The following TMEM106B variants were observed in gnomAD, a reference collection of about 807,000 sequenced individuals.
TMEM106B encodes transmembrane protein 106B.
TMEM106B carries 15 observed loss-of-function variants against 31.1 expected under a neutral mutation model. The ratio of observed to expected loss-of-function variants is 0.48; its 90% CI spans 0.32 to 0.74. The LOEUF (loss-of-function observed/expected upper bound fraction) is 0.74, where lower values mean the gene tolerates loss of function less well. TMEM106B is among the 30% of genes least tolerant of loss of function. The pLI, the probability that TMEM106B is intolerant of heterozygous loss-of-function variation, is 0.03. For missense variants in TMEM106B, 283 were observed against 327.3 expected (o/e 0.86, Z 1.04); for synonymous variants, 126 against 112.5 (o/e 1.12, Z -0.76).
In TMEM106B at chr7:12,212,607, TTTTA is replaced by T. The variant is rs747020271; in HGVS notation, c.-3+1190_-3+1193del. 9.9e-5 allele frequency among the ~76,000 whole-genome samples: 15 copies of T among 152,226 alleles called. 1 individual carries two copies. The highest frequency in any genetic ancestry group is 4.2e-4 in the South Asian group (2 of 4,818). ...CAGCAACAAGTGGATGGCATGCGAATTTTATTTATTTTTTTATCTTTGTATTTAT... is the reference window on the plus strand; with the variant it reads ...CAGCAACAAGTGGATGGCATGCGAATTTTATTTTTTTATCTTTGTATTTAT... On this transcript the variant is annotated intron_variant, in intron 1 of 7. Coordinates refer to ENST00000396668, the MANE Select transcript of TMEM106B (RefSeq NM_001134232.2).
intron 3 of TMEM106B, among the ~76,000 whole-genome samples, chr7:12,223,164 T>TA (rs890834875): frequency 2.0e-5 from 3 of 152,160 alleles, no homozygotes; most frequent in Admixed American, 2.0e-4. Flanking sequence ...TTCCTTGTCT[T>TA]ATACCTGCAT....
chr7:12,217,994 C>G (rs1431394695), intron 2 of TMEM106B, among the ~76,000 whole-genome samples: 1 of 152,058 alleles, frequency 6.6e-6, no homozygotes, highest in Admixed American at 6.6e-5. Context: ...CTTGAGACTT[C>G]TACTTCAGAG....
At chr7:12,230,533 A>C in intron 6 of TMEM106B, 95 bp downstream of exon 6, 1 of 786,998 alleles carries the variant, frequency 1.3e-6, no homozygotes, top group South Asian at 1.8e-5. Context: ...TTCCGTTATC[A>C]GTCAAAAAGA....
At chr7:12,221,195 A>G (rs139345875) in intron 3 of TMEM106B, among the ~76,000 whole-genome samples, 1 of 152,144 alleles carries the variant, frequency 6.6e-6, no homozygotes, top group South Asian at 2.1e-4. Context: ...AGGAAACATT[A>G]TTCTAACTGT....
At chr7:12,224,951 T>C (rs535354482) in intron 4 of TMEM106B, among the ~76,000 whole-genome samples, 5 of 152,268 alleles carry the variant, frequency 3.3e-5, no homozygotes, top group African/African-American at 1.2e-4. Context: ...AGGTGCCATG[T>C]TGGTGTGCTG....
rs375350440 is a variant in TMEM106B at position 12,235,195 on chromosome 7, T to C, written c.*3220T>C. 3.3e-5 allele frequency: 5 copies of C among 152,456 alleles called. No homozygotes were observed. In the South Asian group the frequency reaches 8.3e-4, roughly 25 times the overall value. 9.4% of individuals were successfully genotyped at this position (152,456 alleles called of 1,614,324 possible). On this transcript the variant is annotated 3_prime_UTR_variant, in exon 8 of 8. Transcript: ENST00000396668. ...TCTTTAGCTTAATTTTCTGTTAAAA[T>C]TTAGTACCCCTTCATCATTCCAATA...
intron 2 of TMEM106B, among the ~76,000 whole-genome samples, chr7:12,216,234 G>T (rs184005286): frequency 2.6e-5 from 4 of 152,114 alleles, no homozygotes; most frequent in African/African-American, 9.6e-5. Context: ...TAGCAGTCTG[G>T]TTACATTTTT....
chr7:12,213,416 G>A (rs890538320), intron 1 of TMEM106B, among the ~76,000 whole-genome samples: 4 of 152,170 alleles, frequency 2.6e-5, no homozygotes, highest in Admixed American at 6.5e-5. Flanking sequence ...AAAGGTGCGT[G>A]AATTTTCAGA....
intron 5 of TMEM106B, 26 bp downstream of exon 5, chr7:12,229,845 G>T (rs758575137): frequency 6.3e-7 from 1 of 1,581,684 alleles, no homozygotes; most frequent in Non-Finnish European, 8.6e-7. Context: ...GAAATACTTT[G>T]TAAGAGTTAA....
intron 1 of TMEM106B, among the ~76,000 whole-genome samples, chr7:12,212,734 A>C (rs897744469): frequency 6.6e-6 from 1 of 152,156 alleles, no homozygotes. Flanking sequence ...CTGGAGCAAC[A>C]CACATTGTAC....
rs185848057 is a variant in TMEM106B at position 12,227,495 on chromosome 7, C to T, written c.442-2184C>T. Among the ~76,000 whole-genome samples the T allele has an allele frequency of 2.6e-5, 4 of 152,086 alleles. No homozygotes were observed. In the East Asian group the frequency reaches 5.8e-4, roughly 22 times the overall value. On this transcript the variant is annotated intron_variant, in intron 4 of 7. Transcript: ENST00000396668. ...ACATTCATTCACATATATACAAATG[C>T]ACATTTCAACTGAGGTCACAGTACA...
At chr7:12,223,154 T>G (rs1261285368) in intron 3 of TMEM106B, among the ~76,000 whole-genome samples, 1 of 152,198 alleles carries the variant, frequency 6.6e-6, no homozygotes, top group Non-Finnish European at 1.5e-5. Context: ...CTACAAATTT[T>G]TCCTTGTCTT....
chr7:12,229,621 A>G, intron 4 of TMEM106B, 58 bp from the exon 5 acceptor site: 1 of 1,305,920 alleles, frequency 7.7e-7, no homozygotes, highest in South Asian at 1.6e-5. Context: ...TTTAATTTTA[A>G]ATACATATTT....
intron 1 of TMEM106B, chr7:12,214,337 C>A: frequency 6.5e-6 from 1 of 153,032 alleles, no homozygotes; most frequent in Admixed American, 6.5e-5. Context: ...TTGGCTTCCA[C>A]ATCCTCCTCC....
At chr7:12,229,053 A>G (rs573534065) in intron 4 of TMEM106B, among the ~76,000 whole-genome samples, 5 of 152,058 alleles carry the variant, frequency 3.3e-5, no homozygotes, top group East Asian at 1.9e-4. Flanking sequence ...TTTAGTGTCT[A>G]TGGATTTTGT....
rs922329285 is a variant in TMEM106B at position 12,242,292 on chromosome 7, G to A, written c.*10317G>A. 3.6e-5 allele frequency: 2 copies of A among 56,102 alleles called. No individual in the cohort carries two copies. Among genetic ancestry groups the A allele is most frequent in the Non-Finnish European group, 5.9e-5 (2 of 33,790 alleles). 3.5% of individuals were successfully genotyped at this position (56,102 alleles called of 1,614,324 possible). Reference sequence around the variant, plus strand: ...GGAGGCTGAGGCAGGAGAATGGCGTGAACCCGGGAAGCGGGGCTTGCAGCG... The same window carrying A: ...GGAGGCTGAGGCAGGAGAATGGCGTAAACCCGGGAAGCGGGGCTTGCAGCG... On this transcript the variant is annotated 3_prime_UTR_variant, in exon 8 of 8. Transcript: ENST00000396668.
chr7:12,219,176 T>C (rs529981399), intron 3 of TMEM106B, among the ~76,000 whole-genome samples: 48 of 152,208 alleles, frequency 3.2e-4, no homozygotes, highest in African/African-American at 9.6e-4. Flanking sequence ...TACAAATACA[T>C]ATCCTCAAGA....
chr7:12,216,909 G>T (rs1234171313), intron 2 of TMEM106B, among the ~76,000 whole-genome samples: 1 of 152,144 alleles, frequency 6.6e-6, no homozygotes, highest in Non-Finnish European at 1.5e-5. Flanking sequence ...TATAGAGTGG[G>T]CTCAAGAGTG....
chr7:12,219,618 T>C (rs1264561934), intron 3 of TMEM106B, among the ~76,000 whole-genome samples: 2 of 152,084 alleles, frequency 1.3e-5, no homozygotes, highest in African/African-American at 4.8e-5. Flanking sequence ...ATTGAGAAGC[T>C]CAGAAATGAG....
Sources: gnomAD v4.1 joint callset for allele counts (sites outside exome capture counted in the v4.1 genomes callset) on GRCh38, gnomAD v4.1.1 for gene constraint, MANE v1.5 for transcripts, NCBI Gene and HGNC (gene_info 2026-07-23, HGNC 2026-07-21) for gene names.